The following AMBRA1 variants were observed in gnomAD, a reference collection of about 807,000 sequenced individuals.
AMBRA1 encodes the protein activating molecule in BECN1-regulated autophagy protein 1.
In AMBRA1, 47 loss-of-function variants were observed where a neutral mutation model predicts 125.4. That is an observed-to-expected ratio of 0.37 (90% CI 0.30 to 0.48). AMBRA1 has a LOEUF of 0.48. AMBRA1 is among the 20% of genes least tolerant of loss of function. The pLI, the probability that AMBRA1 is intolerant of heterozygous loss-of-function variation, is 0.99. For missense variants in AMBRA1, 1,331 were observed against 1,693.4 expected (o/e 0.79, Z 3.76); for synonymous variants, 626 against 655.5 (o/e 0.95, Z 0.69).
At chr11:46,556,861 T>C (rs555594178) in intron 1 of AMBRA1, among the ~76,000 whole-genome samples, 1 of 152,260 alleles carries the variant, frequency 6.6e-6, no homozygotes, top group African/African-American at 2.4e-5. Context: ...TAAGGGCTGG[T>C]TGCGGTGGCT....
rs150086782 is a variant in AMBRA1, at chr11:46,572,130, G to A, written c.-121+21698C>T. On this transcript the variant is annotated intron_variant, in intron 1 of 17. Coordinates refer to ENST00000683756, the MANE Select transcript of AMBRA1 (RefSeq NM_001387011.1). ...ATCCTGGCCAACATGATGAAATGCCGTCTCTACCGAAAATACAAAAATTTG... is the reference window on the plus strand; with the variant it reads ...ATCCTGGCCAACATGATGAAATGCCATCTCTACCGAAAATACAAAAATTTG... Among the ~76,000 whole-genome samples, 438 of 152,146 alleles carry A rather than the reference G, an allele frequency of 2.9e-3. 4 individuals are homozygous for A. Among genetic ancestry groups the A allele is most frequent in the Non-Finnish European group, 4.0e-3 (273 of 67,996 alleles).
chr11:46,531,654 G>T (rs997040998), intron 7 of AMBRA1, among the ~76,000 whole-genome samples: 3 of 151,892 alleles, frequency 2.0e-5, no homozygotes, highest in African/African-American at 7.3e-5. Context: ...AGGTTGGAGT[G>T]AGCAGAGATC....
intron 7 of AMBRA1, among the ~76,000 whole-genome samples, chr11:46,538,420 A>T (rs1249822734): frequency 6.6e-6 from 1 of 152,180 alleles, no homozygotes; most frequent in East Asian, 1.9e-4. Flanking sequence ...TGAACTTTAA[A>T]CCACAATGCA....
chr11:46,551,003 A>C (rs2042977051), intron 1 of AMBRA1, among the ~76,000 whole-genome samples: 1 of 150,558 alleles, frequency 6.6e-6, no homozygotes, highest in Non-Finnish European at 1.5e-5. Context: ...AGGCTGAGGC[A>C]GGAGAATGGC....
intron 11 of AMBRA1, among the ~76,000 whole-genome samples, chr11:46,474,012 T>G (rs1025892416): frequency 5.3e-5 from 8 of 152,164 alleles, no homozygotes; most frequent in African/African-American, 1.9e-4. Flanking sequence ...TTCCCAACAC[T>G]TAGTGTAGGA....
intron 7 of AMBRA1, among the ~76,000 whole-genome samples, chr11:46,528,834 C>T (rs539355479): frequency 3.3e-5 from 5 of 152,206 alleles, no homozygotes; most frequent in African/African-American, 7.2e-5. Context: ...AAAAGATAAA[C>T]GCCACCTTGC....
At chr11:46,428,487 C>T (rs1187701196) in intron 14 of AMBRA1, among the ~76,000 whole-genome samples, 2 of 152,082 alleles carry the variant, frequency 1.3e-5, no homozygotes, top group South Asian at 2.1e-4. Flanking sequence ...TAAAATGACC[C>T]GAGAGAAAAG....
intron 9 of AMBRA1, among the ~76,000 whole-genome samples, chr11:46,500,015 G>A (rs138137279): frequency 1.4e-3 from 206 of 152,240 alleles, no homozygotes; most frequent in Non-Finnish European, 2.2e-3. Context: ...AAAGCTACAA[G>A]AATCTGAGGT....
intron 11 of AMBRA1, among the ~76,000 whole-genome samples, chr11:46,476,716 C>T (rs1416622486): frequency 1.3e-5 from 2 of 152,208 alleles, no homozygotes; most frequent in Non-Finnish European, 2.9e-5. Context: ...TCAGCAGAAT[C>T]CAGAAAAATA....
chr11:46,553,409 T>C (rs2043068722), intron 1 of AMBRA1, among the ~76,000 whole-genome samples: 1 of 152,094 alleles, frequency 6.6e-6, no homozygotes, highest in Non-Finnish European at 1.5e-5. Context: ...GTTCTCTCAC[T>C]GGAGTACTAA....
At chr11:46,487,535 A>C (rs1475268589) in intron 11 of AMBRA1, among the ~76,000 whole-genome samples, 8 of 152,138 alleles carry the variant, frequency 5.3e-5, no homozygotes, top group African/African-American at 1.4e-4. Context: ...TATAGATGTA[A>C]TATTAATATA....
intron 7 of AMBRA1, among the ~76,000 whole-genome samples, chr11:46,531,929 C>T (rs1260814823): frequency 6.6e-6 from 1 of 151,846 alleles, no homozygotes; most frequent in Non-Finnish European, 1.5e-5. Context: ...ACCGGCCTGG[C>T]CAACATGGTG....
At chr11:46,569,266 C>T (rs2043660444) in intron 1 of AMBRA1, among the ~76,000 whole-genome samples, 1 of 148,760 alleles carries the variant, frequency 6.7e-6, no homozygotes, top group Admixed American at 6.7e-5. Context: ...AAAAGTAACC[C>T]TCCAACCCTA....
chr11:46,398,366 G>C (rs1188927263), intron 17 of AMBRA1, among the ~76,000 whole-genome samples: 2 of 152,112 alleles, frequency 1.3e-5, no homozygotes, highest in African/African-American at 4.8e-5. Flanking sequence ...AAAGAGAGTA[G>C]GTACCCTATG....
At position 46,397,210 on chromosome 11, in the gene AMBRA1, A is replaced by G; in HGVS notation, c.*240T>C. On this transcript the variant is annotated 3_prime_UTR_variant, in exon 18 of 18. Coordinates refer to ENST00000683756, the MANE Select transcript of AMBRA1 (RefSeq NM_001387011.1). ...ACCCACTTGTTCCTCTATTCACATT[A>G]AGCCCACAGTGTGGCTCTCCCGGGC... 2.4e-6 allele frequency: 1 copy of G among 421,574 alleles called. No homozygotes were observed. 26.1% of individuals were successfully genotyped at this position (421,574 alleles called of 1,614,324 possible). A position where few individuals can be genotyped will look rare whatever the true frequency, so the allele number is the denominator to read the frequency against.
chr11:46,470,357 G>A lies in AMBRA1; in HGVS notation c.2521+23251C>T, dbSNP rs905762098. ...TAATCCCAGCACTTTGGGAGTCCGA[G>A]ACGGGCGGATCACGAGGTCAGGAGA... On this transcript the variant is annotated intron_variant, in intron 11 of 17. Coordinates refer to ENST00000683756, the MANE Select transcript of AMBRA1 (RefSeq NM_001387011.1). Among the ~76,000 whole-genome samples the A allele has an allele frequency of 2.6e-5, 4 of 152,138 alleles. No homozygotes were observed. The East Asian group carries it at 7.7e-4, about 29-fold the overall frequency.
At chr11:46,426,402 T>C (rs1947138649) in intron 14 of AMBRA1, among the ~76,000 whole-genome samples, 2 of 152,182 alleles carry the variant, frequency 1.3e-5, no homozygotes, top group African/African-American at 2.4e-5. Flanking sequence ...CTAGGTCCAT[T>C]TTGTTCACTG....
At chr11:46,454,322 C>A (rs767624224) in intron 11 of AMBRA1, among the ~76,000 whole-genome samples, 7 of 151,560 alleles carry the variant, frequency 4.6e-5, no homozygotes, top group Non-Finnish European at 1.0e-4. Context: ...AGCCATCATG[C>A]CTGGCAAACT....
At chr11:46,528,257 C>T (rs575725192) in intron 7 of AMBRA1, among the ~76,000 whole-genome samples, 139 of 152,320 alleles carry the variant, frequency 9.1e-4, no homozygotes, top group Middle Eastern at 3.4e-3. Context: ...GCTGCAACCT[C>T]CACCTCCAGG....
Sources: allele counts gnomAD v4.1 joint callset (sites outside exome capture counted in the v4.1 genomes callset), GRCh38; gene constraint gnomAD v4.1.1; transcripts MANE v1.5; gene names NCBI Gene and HGNC (gene_info 2026-07-23, HGNC 2026-07-21).